Variants in BBX observed in about 807,000 individuals in gnomAD.
BBX encodes BBX high mobility group box domain containing.
In BBX, 30 loss-of-function variants were observed where a neutral mutation model predicts 100.2. The ratio of observed to expected loss-of-function variants is 0.30; its 90% CI spans 0.22 to 0.41. The LOEUF is 0.41. Ranked by LOEUF, BBX falls within the 10% of genes least tolerant of loss-of-function variation. The pLI is 1.00. For missense variants in BBX, 1,023 were observed against 1,129.8 expected (o/e 0.91, Z 1.35); for synonymous variants, 376 against 388.1 (o/e 0.97, Z 0.37).
intron 2 of BBX, among the ~76,000 whole-genome samples, chr3:107,634,098 T>G (rs1478681029): frequency 6.6e-6 from 1 of 152,228 alleles, no homozygotes; most frequent in African/African-American, 2.4e-5. Context: ...TGGACTTCTA[T>G]TCATTCCACT....
At chr3:107,616,185 A>AT (rs2055265404) in intron 2 of BBX, among the ~76,000 whole-genome samples, 1 of 151,674 alleles carries the variant, frequency 6.6e-6, no homozygotes, top group Admixed American at 6.6e-5. Flanking sequence ...GAGATTCAAA[A>AT]TTTTTTTAGT....
intron 2 of BBX, among the ~76,000 whole-genome samples, chr3:107,537,011 C>T (rs567169744): frequency 7.9e-5 from 12 of 152,188 alleles, no homozygotes; most frequent in African/African-American, 2.2e-4. Flanking sequence ...TGTGTTTGCC[C>T]GTTAAGTCTG....
chr3:107,530,235 T>C (rs2048064287), intron 2 of BBX, among the ~76,000 whole-genome samples: 1 of 151,912 alleles, frequency 6.6e-6, no homozygotes, highest in South Asian at 2.1e-4. Context: ...TTACTAAAAA[T>C]ACAAAAATTA....
Position 107,568,159 on chromosome 3 carries a change from T to C in BBX, c.-84+41761T>C, listed in dbSNP as rs1050617778. 4.6e-5 allele frequency among the ~76,000 whole-genome samples: 7 copies of C among 152,262 alleles called. No individual in the cohort carries two copies. In the East Asian group the frequency reaches 1.3e-3, roughly 29 times the overall value. ...CTACTCAGAATTTTTCATTGATATG[T>C]TTTAGGTGTTTTTGTTTTTAATTTA... On this transcript the variant is annotated intron_variant, in intron 2 of 17. Transcript: ENST00000325805.
intron 3 of BBX, among the ~76,000 whole-genome samples, chr3:107,665,472 A>G (rs925650682): frequency 2.0e-5 from 3 of 152,124 alleles, no homozygotes; most frequent in Admixed American, 2.0e-4. Flanking sequence ...GAGCACCACT[A>G]CCAGAGTCTG....
At chr3:107,756,354 C>T (rs1191765806) in intron 10 of BBX, among the ~76,000 whole-genome samples, 80 of 152,156 alleles carry the variant, frequency 5.3e-4, no homozygotes, top group Non-Finnish European at 1.2e-4. Flanking sequence ...GTTTTCAGCA[C>T]CAGGACATTC....
At position 107,798,655 on chromosome 3, in the gene BBX, A is replaced by G; in HGVS notation, c.2486A>G (p.Lys829Arg). The change falls in exon 16 of 18, where the codon AAA (lysine) becomes AGA (arginine). Residue 829 changes from lysine to arginine, a missense_variant. This residue lies in a region of BBX where 12 missense variants were observed against 30.7 expected (regional missense o/e 0.39). Coordinates refer to ENST00000325805, the MANE Select transcript of BBX (RefSeq NM_001142568.3). Reference sequence around the variant, plus strand: ...GGCAGCCAAAAGAGAAAAGCAAGGAAAACCAAGATTACACACCTTGTCAGG... The same window carrying G: ...GGCAGCCAAAAGAGAAAAGCAAGGAGAACCAAGATTACACACCTTGTCAGG... ...LVGSQKRKAR[K>R]TKITHLVRTA... 1.2e-6 allele frequency: 2 copies of G among 1,614,178 alleles called. No homozygotes were observed. Among genetic ancestry groups the G allele is most frequent in the East Asian group, 4.5e-5 (2 of 44,888 alleles).
rs1292106467 is a variant in BBX, at chr3:107,809,603, C to A, written c.*4146C>A. ...GTTTGTCTTTTTTTGCTTCTACCTTCAGTGCCACTATTTTCCACTGCAGTG... is the reference window on the plus strand; with the variant it reads ...GTTTGTCTTTTTTTGCTTCTACCTTAAGTGCCACTATTTTCCACTGCAGTG... On this transcript the variant is annotated 3_prime_UTR_variant, in exon 18 of 18. Coordinates refer to ENST00000325805, the MANE Select transcript of BBX (RefSeq NM_001142568.3). The A allele has an allele frequency of 6.6e-6, 1 of 152,238 alleles. No individual in the cohort carries two copies. Among genetic ancestry groups the A allele is most frequent in the African/African-American group, 2.4e-5 (1 of 41,458 alleles). 9.4% of individuals were successfully genotyped at this position (152,238 alleles called of 1,614,324 possible). A position where few individuals can be genotyped will look rare whatever the true frequency, so the allele number is the denominator to read the frequency against.
chr3:107,610,798 T>C (rs2054792404), intron 2 of BBX, among the ~76,000 whole-genome samples: 1 of 151,860 alleles, frequency 6.6e-6, no homozygotes, highest in Non-Finnish European at 1.5e-5. Flanking sequence ...GTTTTTTTTT[T>C]TTAAGCATTT....
At chr3:107,615,552 C>T (rs959008517) in intron 2 of BBX, among the ~76,000 whole-genome samples, 9 of 152,034 alleles carry the variant, frequency 5.9e-5, no homozygotes, top group African/African-American at 2.2e-4. Context: ...TCTACCATCA[C>T]GATCTAATCA....
intron 2 of BBX, among the ~76,000 whole-genome samples, chr3:107,619,833 G>A (rs1212299790): frequency 6.6e-6 from 1 of 152,058 alleles, no homozygotes; most frequent in African/African-American, 2.4e-5. Flanking sequence ...TATAAGTAAG[G>A]TGTCTTTTTT....
intron 2 of BBX, among the ~76,000 whole-genome samples, chr3:107,575,893 A>G (rs1267059474): frequency 1.3e-5 from 2 of 152,142 alleles, no homozygotes; most frequent in African/African-American, 4.8e-5. Context: ...TGTTGAGGCC[A>G]GGCGTGGTGG....
At chr3:107,524,040 G>A (rs1221410846) in intron 1 of BBX, 1 of 153,026 alleles carries the variant, frequency 6.5e-6, no homozygotes, top group Non-Finnish European at 1.5e-5. Context: ...GGAGGGAAGA[G>A]AGGAGGGGGA....
Position 107,801,165 on chromosome 3 carries a change from C to T in BBX, c.2622C>T (p.Cys874=), listed in dbSNP as rs1171458823. The T allele has an allele frequency of 6.2e-7, 1 of 1,614,100 alleles. No homozygotes were observed. ...KATETDCNDK[C]SHNTEVGETR... is the part of the protein sequence containing the mutation. ...CTGAGACAGACTGCAATGACAAATG[C>T]TCACACAACACCGAGGTCGGGGAGA... The change falls in exon 17 of 18, where the codon TGC becomes TGT. Residue 874 remains cysteine, a synonymous_variant. Transcript: ENST00000325805.
At chr3:107,549,786 AT>A (rs1559800154) in intron 2 of BBX, among the ~76,000 whole-genome samples, 1 of 151,980 alleles carries the variant, frequency 6.6e-6, no homozygotes, top group Non-Finnish European at 1.5e-5. Flanking sequence ...TTTCCTTGAA[AT>A]TCCTAATAGC....
intron 2 of BBX, among the ~76,000 whole-genome samples, chr3:107,545,270 C>T (rs756337989): frequency 2.0e-5 from 3 of 152,182 alleles, no homozygotes; most frequent in Non-Finnish European, 4.4e-5. Context: ...CTTTAAGCAT[C>T]TATCCCCTTT....
At chr3:107,613,941 G>GTTTT (rs533672871) in intron 2 of BBX, among the ~76,000 whole-genome samples, 32 of 86,586 alleles carry the variant, frequency 3.7e-4, no homozygotes, top group Middle Eastern at 7.2e-3. Context: ...ACATACCATG[G>GTTTT]TTTTTTTTTT....
At chr3:107,581,667 C>T (rs1397838725) in intron 2 of BBX, among the ~76,000 whole-genome samples, 2 of 152,014 alleles carry the variant, frequency 1.3e-5, no homozygotes, top group Admixed American at 6.6e-5. Flanking sequence ...CTTCATACTC[C>T]GTCGTTAGTG....
At chr3:107,547,554 T>G (rs1330248000) in intron 2 of BBX, among the ~76,000 whole-genome samples, 1 of 152,176 alleles carries the variant, frequency 6.6e-6, no homozygotes, top group East Asian at 1.9e-4. Flanking sequence ...TTGGTTTTCT[T>G]TTCGTTTTAT....
Sources: allele counts gnomAD v4.1 joint callset (sites outside exome capture counted in the v4.1 genomes callset), GRCh38; gene constraint gnomAD v4.1.1; regional missense constraint gnomAD v4.1.1; transcripts MANE v1.5; gene names NCBI Gene and HGNC (gene_info 2026-07-23, HGNC 2026-07-21).